The following COL4A4 variants were observed in gnomAD, a reference collection of about 807,000 sequenced individuals.
The protein encoded by COL4A4 is collagen alpha-4(IV) chain.
A neutral mutation model predicts 192.9 loss-of-function variants in COL4A4; 105 were observed. The ratio of observed to expected loss-of-function variants is 0.54; its 90% CI spans 0.46 to 0.64. COL4A4 has a LOEUF of 0.64. COL4A4 is among the 30% of genes least tolerant of loss of function. The pLI is 0.00. For synonymous variants in COL4A4, 762 were observed against 769.9 expected, an observed-to-expected ratio of 0.99 and a Z score of 0.17; for missense variants, 1,967 against 2,169.3, an observed-to-expected ratio of 0.91 and a Z score of 1.85.
chr2:227,041,634 C>T (rs945777693), intron 37 of COL4A4, among the ~76,000 whole-genome samples: 4 of 129,286 alleles, frequency 3.1e-5, no homozygotes, highest in African/African-American at 1.2e-4. Context: ...GAGCAAGACA[C>T]CATCAAAAAA....
chr2:226,999,823 G>A (rs1021587431), downstream of COL4A4, among the ~76,000 whole-genome samples: 3 of 152,168 alleles, frequency 2.0e-5, no homozygotes, highest in East Asian at 1.9e-4. Flanking sequence ...CTCTGGATGC[G>A]AAACTGGATC....
In COL4A4 at chr2:227,109,562, C is replaced by T. The variant is rs189287507; in HGVS notation, c.595-276G>A. On this transcript the variant is annotated intron_variant, in intron 9 of 47. Coordinates refer to ENST00000396625, the MANE Select transcript of COL4A4 (RefSeq NM_000092.5). Reference sequence around the variant, plus strand: ...AGGAGATCGAGACCATCCTGGCCAACATGGTGAAACCCCGTCTCTACTAAA... The same window carrying T: ...AGGAGATCGAGACCATCCTGGCCAATATGGTGAAACCCCGTCTCTACTAAA... The T allele has an allele frequency of 1.0e-3, 590 of 571,898 alleles. 4 individuals carry two copies. The highest frequency in any genetic ancestry group is 8.2e-3 in the African/African-American group (429 of 52,330). 35.4% of individuals were successfully genotyped at this position (571,898 alleles called of 1,614,324 possible). A position where few individuals can be genotyped will look rare whatever the true frequency, so the allele number is the denominator to read the frequency against.
At chr2:227,096,391 G>A (rs545221577) in intron 19 of COL4A4, among the ~76,000 whole-genome samples, 5 of 152,200 alleles carry the variant, frequency 3.3e-5, no homozygotes, top group South Asian at 2.1e-4. Flanking sequence ...AATTTTTTCC[G>A]CAAGAGATAA....
At chr2:227,093,856 CTG>C (rs2060067764) in intron 20 of COL4A4, among the ~76,000 whole-genome samples, 1 of 151,988 alleles carries the variant, frequency 6.6e-6, no homozygotes, top group African/African-American at 2.4e-5. Context: ...ATATATAACT[CTG>C]ATGAAAATTA....
the COL4A4 span, among the ~76,000 whole-genome samples, chr2:226,967,649 T>C: frequency 3.3e-5 from 5 of 151,792 alleles, no homozygotes; most frequent in Non-Finnish European, 7.4e-5. Context: ...GTAGAAGTCA[T>C]TGTTGTAGTA....
chr2:227,024,028 CAAAA>C (rs111307267), intron 43 of COL4A4, among the ~76,000 whole-genome samples: 1 of 148,834 alleles, frequency 6.7e-6, no homozygotes, highest in Non-Finnish European at 1.5e-5. Context: ...AAAAAACAAA[CAAAA>C]AAAACCACTC....
At chr2:227,074,349 GAT>G (rs1235169461) in intron 25 of COL4A4, among the ~76,000 whole-genome samples, 1 of 152,098 alleles carries the variant, frequency 6.6e-6, no homozygotes, top group African/African-American at 2.4e-5. Context: ...ACTGCAATGA[GAT>G]ATTGCCTTAC....
At chr2:226,989,854 C>G in the COL4A4 span, among the ~76,000 whole-genome samples, 1 of 152,162 alleles carries the variant, frequency 6.6e-6, no homozygotes, top group Non-Finnish European at 1.5e-5. Flanking sequence ...TTTCACAATG[C>G]AGGGTGCTGA....
At chr2:226,977,816 T>C in the COL4A4 span, among the ~76,000 whole-genome samples, 2 of 152,250 alleles carry the variant, frequency 1.3e-5, no homozygotes, top group Non-Finnish European at 2.9e-5. Flanking sequence ...CTAAGTCTTG[T>C]CTTTGGAATG....
At chr2:226,997,935 C>T (rs1225929306), downstream of COL4A4, 1 of 152,158 alleles carries the variant, frequency 6.6e-6, no homozygotes, top group Non-Finnish European at 1.5e-5. Flanking sequence ...TAAGGAATCC[C>T]TAAAGTTATG....
chr2:227,139,903 C>A (rs2063084544), intron 4 of COL4A4, among the ~76,000 whole-genome samples: 1 of 152,134 alleles, frequency 6.6e-6, no homozygotes, highest in African/African-American at 2.4e-5. Context: ...ACACCAGGAC[C>A]CTTCCTCCAC....
chr2:226,973,091 A>G, the COL4A4 span, among the ~76,000 whole-genome samples: 1 of 152,186 alleles, frequency 6.6e-6, no homozygotes, highest in Non-Finnish European at 1.5e-5. Flanking sequence ...TCCTCACAGA[A>G]GTTCCTCCCT....
intron 4 of COL4A4, among the ~76,000 whole-genome samples, chr2:227,137,793 CTATT>C (rs1363469569): frequency 7.2e-5 from 11 of 152,144 alleles, no homozygotes; most frequent in African/African-American, 2.7e-4. Flanking sequence ...CTGATCAAAT[CTATT>C]TATCTTGGTC....
intron 43 of COL4A4, 109 bp downstream of exon 43, chr2:227,025,693 A>G (rs1249277363): frequency 2.0e-6 from 2 of 1,008,438 alleles, no homozygotes; most frequent in Non-Finnish European, 3.1e-6. Flanking sequence ...CACCCCATCT[A>G]TAAAAATGTA....
At position 227,008,164 on chromosome 2, in the gene COL4A4, A is replaced by G; in HGVS notation, c.4663T>C (p.Ser1555Pro). ...SAAPLPMMPL[S>P]EEAIRPYVSR... The stretch of plus-strand genomic sequence containing the variant: ...ACATAGGGGCGGATCGCCTCTTCAG[A>G]GAGTGGCATCATGGGGAGGGGCGCA... Residue 1555 changes from serine to proline, a missense_variant, in exon 47 of 48, where the codon TCT becomes CCT. Ser to Pro is a moderately conservative substitution (Grantham distance 74, BLOSUM62 -1). Coordinates refer to ENST00000396625, the MANE Select transcript of COL4A4 (RefSeq NM_000092.5). The G allele has an allele frequency of 1.2e-6, 2 of 1,614,068 alleles. No individual in the cohort carries two copies. Among genetic ancestry groups the G allele is most frequent in the Non-Finnish European group, 1.7e-6 (2 of 1,179,922 alleles).
downstream of COL4A4, chr2:227,002,582 T>G (rs1575660948): frequency 6.6e-6 from 1 of 152,292 alleles, no homozygotes; most frequent in South Asian, 2.1e-4. Context: ...TCTCATCCTT[T>G]CCAGCCTACA....
chr2:227,030,916 A>AGATGGATG (rs10689496), intron 40 of COL4A4, among the ~76,000 whole-genome samples: 11,752 of 145,810 alleles, frequency 0.081, 561 homozygotes, highest in East Asian at 0.12. Context: ...TGCTTTAATA[A>AGATGGATG]GATGGATGGA....
At chr2:226,974,535 C>T in the COL4A4 span, among the ~76,000 whole-genome samples, 1 of 152,152 alleles carries the variant, frequency 6.6e-6, no homozygotes, top group Admixed American at 6.5e-5. Flanking sequence ...CCGTGCCCGG[C>T]CTGGGTGTTG....
At position 227,107,291 on chromosome 2, in the gene COL4A4, T is replaced by C. The variant is rs145672397; in HGVS notation, c.735+1290A>G. Among the ~76,000 whole-genome samples the C allele has an allele frequency of 3.2e-3, 489 of 152,246 alleles. 6 individuals are homozygous for C. The highest frequency in any genetic ancestry group is 0.011 in the African/African-American group (476 of 41,546). On this transcript the variant is annotated intron_variant, in intron 12 of 47. Coordinates refer to ENST00000396625, the MANE Select transcript of COL4A4 (RefSeq NM_000092.5). Reference sequence around the variant, plus strand: ...GGGACGGGATGCTACTGACATCTAGTGGGGAGAGGCCAGGGATGTGGCTAA... The same window carrying C: ...GGGACGGGATGCTACTGACATCTAGCGGGGAGAGGCCAGGGATGTGGCTAA...
Sources: allele counts gnomAD v4.1 joint callset (sites outside exome capture counted in the v4.1 genomes callset), GRCh38; gene constraint gnomAD v4.1.1; transcripts MANE v1.5; gene names NCBI Gene and HGNC (gene_info 2026-07-23, HGNC 2026-07-21).